RBFOX1: variants seen among roughly 807,000 people sequenced by gnomAD.
RBFOX1 encodes the protein RNA binding fox-1 homolog 1.
Under a neutral mutation model 57.7 loss-of-function variants are expected in RBFOX1, and 8 were observed. The ratio of observed to expected loss-of-function variants is 0.14; its 90% confidence interval spans 0.08 to 0.25. RBFOX1 has a LOEUF of 0.25. RBFOX1 is among the 10% of genes least tolerant of loss of function. The pLI, the probability that RBFOX1 is intolerant of heterozygous loss-of-function variation, is 1.00. For missense variants in RBFOX1, 611 were observed against 548.5 expected (o/e 1.11, Z -1.14); for synonymous variants, 326 against 222.4 (o/e 1.47, Z -4.15).
At chr16:6,923,849 G>A (rs766912660) in intron 3 of RBFOX1, among the ~76,000 whole-genome samples, 1 of 152,052 alleles carries the variant, frequency 6.6e-6, no homozygotes, top group Non-Finnish European at 1.5e-5. Context: ...CTCTTTGAGT[G>A]TATTAGTCCA....
At chr16:6,586,369 G>A (rs1340245729) in intron 2 of RBFOX1, among the ~76,000 whole-genome samples, 1 of 152,148 alleles carries the variant, frequency 6.6e-6, no homozygotes, top group African/African-American at 2.4e-5. Flanking sequence ...CAGCATAAAT[G>A]GACCCAGTAG....
chr16:7,108,848 G>A (rs112940615), intron 4 of RBFOX1, among the ~76,000 whole-genome samples: 1,595 of 152,258 alleles, frequency 0.01, 15 homozygotes, highest in Non-Finnish European at 0.015. Context: ...CTAGTGAAAC[G>A]AGTCATGATA....
intron 1 of RBFOX1, among the ~76,000 whole-genome samples, chr16:5,298,958 A>C (rs1056687692): frequency 7.8e-6 from 1 of 127,852 alleles, no homozygotes; most frequent in African/African-American, 3.0e-5. Context: ...ATACATTAAA[A>C]TGCACAGATC....
intron 1 of RBFOX1, among the ~76,000 whole-genome samples, chr16:5,420,870 T>C (rs2067298975): frequency 1.4e-4 from 9 of 66,034 alleles, no homozygotes; most frequent in Admixed American, 1.7e-4. Flanking sequence ...CTCCTCCTCC[T>C]CTCCCTCCCT....
chr16:6,070,494 C>A (rs1228707527), intron 1 of RBFOX1, among the ~76,000 whole-genome samples: 1 of 152,094 alleles, frequency 6.6e-6, no homozygotes, highest in East Asian at 1.9e-4. Flanking sequence ...CTCAAATATC[C>A]CATTTCAATG....
At chr16:5,449,733 C>G (rs141803539) in intron 1 of RBFOX1, among the ~76,000 whole-genome samples, 2 of 152,224 alleles carry the variant, frequency 1.3e-5, no homozygotes, top group Non-Finnish European at 1.5e-5. Flanking sequence ...CTCAGCCCCC[C>G]GAGTAGATGG....
chr16:5,555,745 G>A (rs2045645430), intron 2 of RBFOX1, among the ~76,000 whole-genome samples: 1 of 151,670 alleles, frequency 6.6e-6, no homozygotes, highest in Non-Finnish European at 1.5e-5. Context: ...CCCTCGGCTG[G>A]GTGCAGTGGC....
chr16:6,201,421 A>G (rs1220877308), intron 1 of RBFOX1, among the ~76,000 whole-genome samples: 1 of 152,170 alleles, frequency 6.6e-6, no homozygotes, highest in Admixed American at 6.5e-5. Context: ...ATTCTCAACA[A>G]CAGCGTATAA....
At chr16:6,849,514 C>G (rs1278183631) in intron 3 of RBFOX1, among the ~76,000 whole-genome samples, 1 of 151,990 alleles carries the variant, frequency 6.6e-6, no homozygotes, top group Non-Finnish European at 1.5e-5. Context: ...CTAAACAATA[C>G]AAAAATTAGC....
intron 2 of RBFOX1, among the ~76,000 whole-genome samples, chr16:6,457,627 T>A (rs1264080934): frequency 2.6e-5 from 4 of 152,128 alleles, no homozygotes; most frequent in African/African-American, 9.7e-5. Context: ...GACCTCCCAA[T>A]TAAGGACCCG....
intron 2 of RBFOX1, among the ~76,000 whole-genome samples, chr16:5,475,513 A>G (rs1371673355): frequency 6.6e-6 from 1 of 152,250 alleles, no homozygotes; most frequent in Non-Finnish European, 1.5e-5. Context: ...ATTGTCAACT[A>G]TAATTGGGAC....
chr16:6,458,961 CT>C (rs1382404411), intron 2 of RBFOX1, among the ~76,000 whole-genome samples: 20 of 152,324 alleles, frequency 1.3e-4, no homozygotes, highest in African/African-American at 4.6e-4. Flanking sequence ...TGTGCCCACA[CT>C]TCCCAGTAAG....
At chr16:5,787,669 G>C (rs78093065) in intron 3 of RBFOX1, among the ~76,000 whole-genome samples, 2,559 of 152,334 alleles carry the variant, frequency 0.017, 186 homozygotes, top group East Asian at 0.12. Flanking sequence ...ATCTCGCAGA[G>C]AGGGTTTGGC....
chr16:7,344,295 C>T (rs1430132318), intron 4 of RBFOX1, among the ~76,000 whole-genome samples: 1 of 149,846 alleles, frequency 6.7e-6, no homozygotes, highest in Non-Finnish European at 1.5e-5. Flanking sequence ...ATAGTAAATC[C>T]AATATAGTCA....
rs111486677 is a variant in RBFOX1, at chr16:6,058,674, C to T, written c.-127+38682C>T. On this transcript the variant is annotated intron_variant, in intron 1 of 15. Coordinates refer to ENST00000550418, the MANE Select transcript of RBFOX1 (RefSeq NM_018723.4). ...TCCACCCATCCATCCATCCACCCACCATCCACCAATCCATTCACTCATCCA... is the reference window on the plus strand; with the variant it reads ...TCCACCCATCCATCCATCCACCCACTATCCACCAATCCATTCACTCATCCA... Among the ~76,000 whole-genome samples, 5 of 151,250 alleles carry T rather than the reference C, an allele frequency of 3.3e-5. 1 individual carries two copies. The highest frequency in any genetic ancestry group is 1.2e-4 in the African/African-American group (5 of 41,216).
intron 3 of RBFOX1, among the ~76,000 whole-genome samples, chr16:5,681,001 G>T (rs1174236379): frequency 2.0e-5 from 3 of 151,962 alleles, no homozygotes; most frequent in Admixed American, 2.0e-4. Context: ...ATAAAAGAAA[G>T]AAGGTAAAAT....
intron 4 of RBFOX1, among the ~76,000 whole-genome samples, chr16:5,912,955 C>A (rs940098844): frequency 6.6e-6 from 1 of 152,128 alleles, no homozygotes; most frequent in South Asian, 2.1e-4. Context: ...GTGGGGTGGC[C>A]AGCTTCCTAA....
rs1257882399 is a variant in RBFOX1 at position 5,658,455 on chromosome 16, G to A, written c.318+59494G>A. 3.3e-5 allele frequency among the ~76,000 whole-genome samples: 5 copies of A among 152,232 alleles called. No individual in the cohort carries two copies. In the East Asian group the frequency reaches 7.7e-4, roughly 24 times the overall value. On this transcript the variant is annotated intron_variant, in intron 3 of 19. Coordinates refer to the RBFOX1 transcript ENST00000641259. The stretch of plus-strand genomic sequence containing the variant: ...GATTGGGACACTTAATTCACTTGAT[G>A]AGACTTGGGATGGTGCTTCTTGACC...
At chr16:6,963,194 C>A (rs2083385393) in intron 3 of RBFOX1, among the ~76,000 whole-genome samples, 1 of 151,986 alleles carries the variant, frequency 6.6e-6, no homozygotes, top group Non-Finnish European at 1.5e-5. Flanking sequence ...TTTTCGGAGT[C>A]CGTCATGCCA....
Sources: allele counts gnomAD v4.1 joint callset (sites outside exome capture counted in the v4.1 genomes callset), GRCh38; gene constraint gnomAD v4.1.1; transcripts MANE v1.5; gene names NCBI Gene and HGNC (gene_info 2026-07-23, HGNC 2026-07-21).